Variants in DIAPH3 observed in about 807,000 individuals in gnomAD.
The protein encoded by DIAPH3 is protein diaphanous homolog 3.
A neutral mutation model predicts 144.3 loss-of-function variants in DIAPH3; 117 were observed. That is an observed-to-expected ratio of 0.81 (90% CI 0.70 to 0.95). The LOEUF is 0.95. Ranked by LOEUF, DIAPH3 falls within the 40% of genes least tolerant of loss-of-function variation. The probability of loss-of-function intolerance (pLI) is 0.00; values close to 1 mark genes in which losing one functional copy is unlikely to be tolerated. For synonymous variants in DIAPH3, 519 were observed against 488.9 expected (o/e 1.06, Z -0.81); for missense variants, 1,421 against 1,412.7 (o/e 1.01, Z -0.09).
chr13:59,871,754 G>A (rs1011983557), intron 21 of DIAPH3, among the ~76,000 whole-genome samples: 1 of 152,108 alleles, frequency 6.6e-6, no homozygotes, highest in Admixed American at 6.5e-5. Context: ...TGTTTTTGAA[G>A]GTTATTCATT....
chr13:59,957,249 C>A (rs912311594), intron 17 of DIAPH3, among the ~76,000 whole-genome samples: 3 of 152,164 alleles, frequency 2.0e-5, no homozygotes, highest in Non-Finnish European at 4.4e-5. Flanking sequence ...CAAATCTTAT[C>A]TTGAATTGTA....
chr13:59,801,412 G>C (rs1012014475), intron 25 of DIAPH3, among the ~76,000 whole-genome samples: 1 of 152,188 alleles, frequency 6.6e-6, no homozygotes, highest in Non-Finnish European at 1.5e-5. Context: ...ACTCATGAAA[G>C]CTAGTAATAG....
At chr13:59,836,512 T>A (rs1031657773) in intron 23 of DIAPH3, among the ~76,000 whole-genome samples, 2 of 151,720 alleles carry the variant, frequency 1.3e-5, no homozygotes, top group Non-Finnish European at 1.5e-5. Context: ...GCATCCTTTT[T>A]AAAGGATGCA....
rs914024748 is a variant in DIAPH3, at chr13:59,879,757, T to G, written c.2368-289A>C. 8.5e-5 allele frequency among the ~76,000 whole-genome samples: 13 copies of G among 152,250 alleles called. No homozygotes were observed. In the East Asian group the frequency reaches 2.5e-3, roughly 29 times the overall value. On this transcript the variant is annotated intron_variant, in intron 20 of 27. Transcript: ENST00000400324. ...AGTAAGCATTTTTTAAACTAAATTC[T>G]AAAAAGGTAACAAGATACATAGGCC...
chr13:59,718,394 A>T (rs953271519), intron 27 of DIAPH3, among the ~76,000 whole-genome samples: 2 of 152,242 alleles, frequency 1.3e-5, no homozygotes, highest in South Asian at 4.1e-4. Context: ...TTGAGAATCC[A>T]TTCAAATTTT....
intron 27 of DIAPH3, among the ~76,000 whole-genome samples, chr13:59,691,950 C>T (rs1177529267): frequency 6.6e-6 from 1 of 152,038 alleles, no homozygotes; most frequent in South Asian, 2.1e-4. Context: ...CATGTTAGGA[C>T]TCAAATACTT....
chr13:59,842,815 C>G (rs2042421244), intron 22 of DIAPH3, among the ~76,000 whole-genome samples: 1 of 152,110 alleles, frequency 6.6e-6, no homozygotes, highest in Admixed American at 6.5e-5. Context: ...AAGAGAGGTA[C>G]AGGACAAGGA....
In DIAPH3 at chr13:59,974,419, G is replaced by C. The variant is rs777895599; in HGVS notation, c.1583C>G (p.Ala528Gly). ...CTTTGCCTCTTTTTTCTGCAATTCA[G>C]CCTGAGTTTCTTGGTGGTCGGTAAA... ...KEFTDHQETQ[A>G]ELQKKEAKIN... The change falls in exon 15 of 28, where the codon GCT (alanine) becomes GGT (glycine). Residue 528 changes from alanine to glycine, a missense_variant. Ala to Gly is a moderately conservative substitution (Grantham distance 60). Transcript: ENST00000400324. 1.2e-5 allele frequency: 20 copies of C among 1,611,764 alleles called. No individual in the cohort carries two copies. In the Admixed American group the frequency reaches 3.3e-4, roughly 27 times the overall value.
rs191429662 is a variant in DIAPH3, at chr13:59,728,804, G to T, written c.3319+45385C>A. On this transcript the variant is annotated intron_variant, in intron 27 of 27. Transcript: ENST00000400324. Reference sequence around the variant, plus strand: ...AATGGAAAAAAGTACTTATGTAGATGAATTTTTCTCTATGTATGGAAGTAG... The same window carrying T: ...AATGGAAAAAAGTACTTATGTAGATTAATTTTTCTCTATGTATGGAAGTAG... 2.2e-3 allele frequency among the ~76,000 whole-genome samples: 335 copies of T among 152,224 alleles called. 1 individual carries two copies. Among genetic ancestry groups the T allele is most frequent in the Middle Eastern group, 3.4e-3 (1 of 294 alleles).
At chr13:60,092,514 G>A (rs1202250594) in intron 4 of DIAPH3, among the ~76,000 whole-genome samples, 2 of 152,174 alleles carry the variant, frequency 1.3e-5, no homozygotes, top group Non-Finnish European at 2.9e-5. Flanking sequence ...TTCCAGGCGT[G>A]GTGGCAGGCG....
chr13:59,672,485 C>G (rs1310128942), intron 27 of DIAPH3, among the ~76,000 whole-genome samples: 2 of 152,158 alleles, frequency 1.3e-5, no homozygotes, highest in Non-Finnish European at 2.9e-5. Flanking sequence ...TTACTTTGAC[C>G]TACTAAGTAG....
At chr13:59,774,040 C>T (rs1000705971) in intron 27 of DIAPH3, 149 bp downstream of exon 27, 32 of 750,206 alleles carry the variant, frequency 4.3e-5, no homozygotes, top group Non-Finnish European at 7.0e-5. Context: ...TACGAGTACG[C>T]AATCTCATAG....
Position 60,010,546 on chromosome 13 carries a change from C to T in DIAPH3, c.895G>A (p.Gly299Arg). 2 of 1,601,152 alleles carry T rather than the reference C, an allele frequency of 1.2e-6. No individual in the cohort carries two copies. Among genetic ancestry groups the T allele is most frequent in the Non-Finnish European group, 1.7e-6 (2 of 1,171,794 alleles). The change falls in exon 8 of 28, where the codon GGG (glycine) becomes AGG (arginine). Residue 299 changes from glycine to arginine, a missense_variant. By Grantham distance (125) the Gly-to-Arg change is moderately radical (BLOSUM62 -2). Transcript: ENST00000400324. ...VKLLSAVCIVGEESILEEVLE... is the reference protein window; with the variant it reads ...VKLLSAVCIVREESILEEVLE... ...GATAACACTTACATGCTTTCTTCCCCTACAATGCATACCGCAGAGAGAAGT... is the reference window on the plus strand; with the variant it reads ...GATAACACTTACATGCTTTCTTCCCTTACAATGCATACCGCAGAGAGAAGT...
chr13:59,983,701 A>G, intron 13 of DIAPH3, 68 bp downstream of exon 13: 1 of 1,090,306 alleles, frequency 9.2e-7, no homozygotes, highest in East Asian at 2.4e-5. Context: ...CCCGAGAACC[A>G]ATGCCCTAGA....
At chr13:59,672,562 T>G (rs6562054) in intron 27 of DIAPH3, among the ~76,000 whole-genome samples, 21,392 of 152,172 alleles carry the variant, frequency 0.14, 2,611 homozygotes, top group African/African-American at 0.33. Flanking sequence ...ATAAATATAA[T>G]TTTAAAGCAC....
At chr13:60,069,438 C>T (rs1001686957) in intron 4 of DIAPH3, among the ~76,000 whole-genome samples, 111 of 152,208 alleles carry the variant, frequency 7.3e-4, no homozygotes, top group African/African-American at 2.6e-3. Context: ...TCTGTTTACT[C>T]TCTTGATGGT....
intron 5 of DIAPH3, among the ~76,000 whole-genome samples, chr13:60,025,838 G>A (rs554442789): frequency 2.0e-5 from 3 of 152,154 alleles, no homozygotes; most frequent in African/African-American, 7.2e-5. Flanking sequence ...AAAAAAAACT[G>A]TGTGCCATAA....
intron 27 of DIAPH3, among the ~76,000 whole-genome samples, chr13:59,737,498 A>C (rs1007461282): frequency 6.6e-6 from 1 of 152,222 alleles, no homozygotes; most frequent in African/African-American, 2.4e-5. Flanking sequence ...GTTAAACAAA[A>C]TCAGCATAAA....
At chr13:60,126,445 T>C (rs2058992803) in intron 2 of DIAPH3, among the ~76,000 whole-genome samples, 1 of 152,198 alleles carries the variant, frequency 6.6e-6, no homozygotes, top group Admixed American at 6.5e-5. Context: ...TATATGCACT[T>C]TACTGCAAAG....
Sources: gnomAD v4.1 joint callset for allele counts (sites outside exome capture counted in the v4.1 genomes callset) on GRCh38, gnomAD v4.1.1 for gene constraint, MANE v1.5 for transcripts, NCBI Gene and HGNC (gene_info 2026-07-23, HGNC 2026-07-21) for gene names.